The following DLGAP1 variants were observed in gnomAD, a reference collection of about 807,000 sequenced individuals.
DLGAP1 encodes disks large-associated protein 1.
In DLGAP1, 11 loss-of-function variants were observed where a neutral mutation model predicts 90.8. The observed-to-expected ratio is 0.12, with a 90% confidence interval of 0.08 to 0.20. DLGAP1 has a LOEUF of 0.20. DLGAP1 is among the 10% of genes least tolerant of loss of function. The probability of loss-of-function intolerance (pLI) is 1.00; values close to 1 mark genes in which losing one functional copy is unlikely to be tolerated. For missense variants in DLGAP1, 1,050 were observed against 1,333.8 expected (o/e 0.79, Z 3.31); for synonymous variants, 558 against 540.7 (o/e 1.03, Z -0.44).
intron 5 of DLGAP1, among the ~76,000 whole-genome samples, chr18:3,760,303 A>G (rs2063907237): frequency 6.6e-6 from 1 of 152,170 alleles, no homozygotes; most frequent in Non-Finnish European, 1.5e-5. Context: ...ACACAGGGCC[A>G]ATCCAAGAGG....
chr18:4,003,224 G>A (rs868815466), intron 3 of DLGAP1, among the ~76,000 whole-genome samples: 84 of 152,264 alleles, frequency 5.5e-4, no homozygotes, highest in African/African-American at 1.9e-3. Context: ...GGCCTCCTCC[G>A]GGTTGTAGTT....
chr18:4,192,244 T>C (rs1184413199), intron 1 of DLGAP1, among the ~76,000 whole-genome samples: 5 of 152,156 alleles, frequency 3.3e-5, no homozygotes, highest in African/African-American at 1.2e-4. Flanking sequence ...AACCATTGTC[T>C]GAATTTCTGT....
chr18:4,406,348 T>A (rs1598369615), intron 1 of DLGAP1, among the ~76,000 whole-genome samples: 1 of 152,330 alleles, frequency 6.6e-6, no homozygotes, highest in Non-Finnish European at 1.5e-5. Context: ...GTTTTCCTTC[T>A]GATTTAGTTC....
intron 1 of DLGAP1, among the ~76,000 whole-genome samples, chr18:4,396,359 G>A (rs1210396447): frequency 6.6e-6 from 1 of 152,132 alleles, no homozygotes; most frequent in African/African-American, 2.4e-5. Flanking sequence ...CAATGACACG[G>A]ACAGAAGCAA....
intron 3 of DLGAP1, among the ~76,000 whole-genome samples, chr18:3,977,131 G>T (rs544119441): frequency 2.6e-5 from 4 of 152,200 alleles, no homozygotes; most frequent in African/African-American, 9.6e-5. Flanking sequence ...CTAGAGTGCA[G>T]TGGTGCCATC....
At chr18:3,776,246 T>C (rs1056810185) in intron 5 of DLGAP1, among the ~76,000 whole-genome samples, 5 of 152,210 alleles carry the variant, frequency 3.3e-5, no homozygotes, top group Admixed American at 6.5e-5. Context: ...AGAGGATATG[T>C]GGCTAATTTT....
chr18:3,890,203 C>T (rs555833786), intron 3 of DLGAP1, among the ~76,000 whole-genome samples: 95 of 152,378 alleles, frequency 6.2e-4, no homozygotes, highest in African/African-American at 2.2e-3. Context: ...AAGTTATCCT[C>T]ATACAGCTTT....
rs2054504374 is a variant in DLGAP1, at chr18:3,567,495, CTCT to C, written c.2049_2051del (p.Glu684del). ...ATGCGTGCATGTGGACTTACCACTTCTCTTCTTCTACTTGCACTCCCACGGACT... is the reference window on the plus strand; with the variant it reads ...ATGCGTGCATGTGGACTTACCACTTCTCTTCTACTTGCACTCCCACGGACT... On this transcript the variant is annotated inframe_deletion, in exon 9 of 13. Transcript: ENST00000315677. The C allele has an allele frequency of 1.9e-6, 3 of 1,613,632 alleles. No homozygotes were observed. Among genetic ancestry groups the C allele is most frequent in the African/African-American group, 2.7e-5 (2 of 74,888 alleles).
intron 1 of DLGAP1, among the ~76,000 whole-genome samples, chr18:4,245,505 C>T (rs2078635834): frequency 6.6e-6 from 1 of 152,116 alleles, no homozygotes; most frequent in Non-Finnish European, 1.5e-5. Context: ...TGAAACAAAA[C>T]AAACATTCCA....
At chr18:4,228,024 A>C (rs541637776) in intron 1 of DLGAP1, among the ~76,000 whole-genome samples, 1 of 151,942 alleles carries the variant, frequency 6.6e-6, no homozygotes, top group East Asian at 1.9e-4. Context: ...GAGACTTTCA[A>C]CCCAATACCA....
At chr18:4,450,357 A>T (rs769179638) in intron 1 of DLGAP1, among the ~76,000 whole-genome samples, 6 of 152,146 alleles carry the variant, frequency 3.9e-5, no homozygotes, top group Admixed American at 1.3e-4. Flanking sequence ...CCTATCACAT[A>T]CTCAGATGTT....
intron 7 of DLGAP1, among the ~76,000 whole-genome samples, chr18:3,619,787 T>C (rs1430892108): frequency 1.4e-5 from 2 of 141,730 alleles, no homozygotes; most frequent in Admixed American, 1.5e-4. Flanking sequence ...TGGAAGGATA[T>C]TTGCCGGAGT....
intron 4 of DLGAP1, among the ~76,000 whole-genome samples, chr18:3,872,348 A>G (rs2070804964): frequency 1.3e-5 from 2 of 151,932 alleles, no homozygotes; most frequent in Admixed American, 1.3e-4. Context: ...TAATTAATTG[A>G]TTCTTTATAT....
intron 7 of DLGAP1, among the ~76,000 whole-genome samples, chr18:3,658,037 T>C (rs1456540200): frequency 6.6e-6 from 1 of 152,214 alleles, no homozygotes; most frequent in Admixed American, 6.5e-5. Flanking sequence ...TTATTATATC[T>C]TTTATGTGAT....
chr18:4,367,954 A>G (rs1251481986), intron 1 of DLGAP1, among the ~76,000 whole-genome samples: 1 of 147,356 alleles, frequency 6.8e-6, no homozygotes, highest in Non-Finnish European at 1.5e-5. Context: ...ATCTTGATGA[A>G]TCAAAAATTT....
At chr18:3,822,828 C>A (rs963622692) in intron 4 of DLGAP1, among the ~76,000 whole-genome samples, 1 of 152,120 alleles carries the variant, frequency 6.6e-6, no homozygotes, top group Non-Finnish European at 1.5e-5. Context: ...GGATAAGACA[C>A]TCTCGTGATA....
chr18:4,190,738 T>C (rs887523857), intron 1 of DLGAP1, among the ~76,000 whole-genome samples: 1 of 152,158 alleles, frequency 6.6e-6, no homozygotes, highest in African/African-American at 2.4e-5. Context: ...TAACCCGTTA[T>C]GATTTTCCAA....
intron 1 of DLGAP1, among the ~76,000 whole-genome samples, chr18:4,193,668 G>GA (rs1297345691): frequency 9.2e-5 from 14 of 152,126 alleles, no homozygotes; most frequent in Admixed American, 9.2e-4. Flanking sequence ...GGTATTTGGA[G>GA]AAAAATATGA....
intron 1 of DLGAP1, among the ~76,000 whole-genome samples, chr18:4,406,278 G>A (rs1005792142): frequency 2.6e-5 from 4 of 152,182 alleles, no homozygotes; most frequent in Non-Finnish European, 2.9e-5. Flanking sequence ...CAGAAAGGGA[G>A]GGGAGTTTGC....
Sources: gnomAD v4.1 joint callset for allele counts (sites outside exome capture counted in the v4.1 genomes callset) on GRCh38, gnomAD v4.1.1 for gene constraint, MANE v1.5 for transcripts, NCBI Gene and HGNC (gene_info 2026-07-23, HGNC 2026-07-21) for gene names.